Variants in PHF20 observed in about 807,000 individuals in gnomAD.
PHF20 encodes glioma-expressed antigen 2.
In PHF20, 23 loss-of-function variants were observed where a neutral mutation model predicts 113.5. That is an observed-to-expected ratio of 0.20 (90% CI 0.15 to 0.29). The LOEUF is 0.29. Ranked by LOEUF, PHF20 falls within the 10% of genes least tolerant of loss-of-function variation. The pLI, the probability that PHF20 is intolerant of heterozygous loss-of-function variation, is 1.00. For missense variants in PHF20, 943 were observed against 1,219.6 expected (o/e 0.77, Z 3.38); for synonymous variants, 434 against 457.3 (o/e 0.95, Z 0.65).
intron 6 of PHF20, among the ~76,000 whole-genome samples, chr20:35,863,698 T>G (rs936986778): frequency 1.3e-5 from 2 of 152,182 alleles, no homozygotes; most frequent in Non-Finnish European, 2.9e-5. Context: ...TTGCTTATGC[T>G]TTTTCAAATG....
chr20:35,772,997 A>G (rs966569339), intron 1 of PHF20, among the ~76,000 whole-genome samples: 2 of 152,198 alleles, frequency 1.3e-5, no homozygotes, highest in Non-Finnish European at 1.5e-5. Flanking sequence ...ACTTATTTCC[A>G]GTTTCACAAA....
chr20:35,783,103 G>A (rs2146832329), intron 1 of PHF20, among the ~76,000 whole-genome samples: 1 of 152,260 alleles, frequency 6.6e-6, no homozygotes, highest in South Asian at 2.1e-4. Context: ...GGGAAGCTGA[G>A]GTGGAAGGAT....
At chr20:35,869,647 A>C in intron 7 of PHF20, 96 bp downstream of exon 7, 1 of 741,594 alleles carries the variant, frequency 1.3e-6, no homozygotes, top group Non-Finnish European at 2.4e-6. Flanking sequence ...TATAGGCTCT[A>C]ATGTTTGTCT....
rs370246924 is a variant in PHF20 at position 35,886,874 on chromosome 20, C to T, written c.1283-12496C>T. On this transcript the variant is annotated intron_variant, in intron 9 of 17. Transcript: ENST00000374012. ...ACAGGCCAAGCAGGGGTGTGAACTG[C>T]GAGAGCATGAAGCAGTTGCTGGAGC... is the stretch of plus-strand genomic sequence containing the variant. Among the ~76,000 whole-genome samples, 26 of 152,194 alleles carry T rather than the reference C, an allele frequency of 1.7e-4. No individual in the cohort carries two copies. The East Asian group carries it at 1.7e-3, about 10-fold the overall frequency.
At position 35,917,489 on chromosome 20, in the gene PHF20, G is replaced by A; in HGVS notation, c.1831G>A (p.Asp611Asn). The A allele has an allele frequency of 6.2e-7, 1 of 1,613,270 alleles. No homozygotes were observed. Among genetic ancestry groups the A allele is most frequent in the Non-Finnish European group, 8.5e-7 (1 of 1,179,390 alleles). The change falls in exon 13 of 18, where the codon GAT becomes AAT. Residue 611 changes from aspartate (D) to asparagine (N), a missense_variant. Asp to Asn is a conservative substitution (Grantham distance 23). This residue lies in a region of PHF20 where 592 missense variants were observed against 787.2 expected (regional missense o/e 0.75). Transcript: ENST00000374012. ...TGTTTTCCCTTTCCTCGTAGAGGAG[G>A]ATAATTTGAGTGAGTCCTCTTCTGA... is the stretch of plus-strand genomic sequence containing the variant. ...HKGKVKALEE[D>N]NLSESSSESF...
intron 2 of PHF20, among the ~76,000 whole-genome samples, chr20:35,822,175 G>A (rs1208498324): frequency 6.6e-6 from 1 of 152,136 alleles, no homozygotes; most frequent in Non-Finnish European, 1.5e-5. Context: ...AGGCCAAGAC[G>A]GAAGATCGCT....
intron 4 of PHF20, chr20:35,855,261 G>T: frequency 7.5e-7 from 1 of 1,337,122 alleles, no homozygotes; most frequent in Non-Finnish European, 9.9e-7. Context: ...GACAATATAG[G>T]CAGGTAAAAA....
intron 9 of PHF20, among the ~76,000 whole-genome samples, chr20:35,886,191 T>C (rs1372824573): frequency 6.7e-6 from 1 of 150,068 alleles, no homozygotes; most frequent in African/African-American, 2.5e-5. Context: ...CAGGCTGGAG[T>C]GCACTGATGA....
chr20:35,846,144 G>A (rs558659624), intron 3 of PHF20, among the ~76,000 whole-genome samples: 1 of 151,260 alleles, frequency 6.6e-6, no homozygotes, highest in East Asian at 1.9e-4. Flanking sequence ...GGATTATTCA[G>A]TATTGTTCCA....
At position 35,947,541 on chromosome 20, in the gene PHF20, A is replaced by G. The variant is rs1226054799; in HGVS notation, c.2953A>G (p.Arg985Gly). 6 of 1,613,994 alleles carry G rather than the reference A, an allele frequency of 3.7e-6. No individual in the cohort carries two copies. The Admixed American group carries it at 8.3e-5, about 22-fold the overall frequency. The stretch of plus-strand genomic sequence containing the variant: ...ACTGGAGCCCCCTGAGCCGCTGGCC[A>G]GGCTTCCGCAGCTCAAGCATTGTAT... Reference protein sequence around the residue: ...GELEPPEPLARLPQLKHCIKQ... With the variant: ...GELEPPEPLAGLPQLKHCIKQ... Residue 985 changes from arginine to glycine, a missense_variant, in exon 18 of 18, where the codon AGG becomes GGG. Arg to Gly is a moderately radical substitution (Grantham distance 125, BLOSUM62 -2). Coordinates refer to ENST00000374012, the MANE Select transcript of PHF20 (RefSeq NM_016436.5).
intron 16 of PHF20, among the ~76,000 whole-genome samples, chr20:35,939,994 C>T (rs139658339): frequency 4.6e-5 from 7 of 152,282 alleles, no homozygotes; most frequent in South Asian, 2.1e-4. Flanking sequence ...GAGCTCAGCC[C>T]CTTACTGTGT....
chr20:35,947,653 G>A lies in PHF20; in HGVS notation c.*26G>A, dbSNP rs1048111860. 1.2e-6 allele frequency: 2 copies of A among 1,606,446 alleles called. No individual in the cohort carries two copies. Among genetic ancestry groups the A allele is most frequent in the African/African-American group, 2.7e-5 (2 of 74,730 alleles). On this transcript the variant is annotated 3_prime_UTR_variant, in exon 18 of 18. Transcript: ENST00000374012. ...AACTGGGCACCCAAAACTCATGGGG[G>A]CACAATCCTGGGGCACCTGCAGGAG...
At chr20:35,947,355 ATGG>A in intron 17 of PHF20, 127 bp from the exon 18 acceptor site, 1 of 841,192 alleles carries the variant, frequency 1.2e-6, no homozygotes, top group Non-Finnish European at 1.8e-6. Flanking sequence ...CCCTTGCCCC[ATGG>A]AGGCTGAAAT....
At chr20:35,808,441 G>A (rs1317352200) in intron 2 of PHF20, among the ~76,000 whole-genome samples, 1 of 151,720 alleles carries the variant, frequency 6.6e-6, no homozygotes, top group East Asian at 1.9e-4. Flanking sequence ...TCAGATTAAA[G>A]AAGTTCATGC....
At chr20:35,827,958 GA>G (rs1466167911) in intron 2 of PHF20, among the ~76,000 whole-genome samples, 1 of 152,092 alleles carries the variant, frequency 6.6e-6, no homozygotes, top group Non-Finnish European at 1.5e-5. Flanking sequence ...GATCAAGTGA[GA>G]TACCTTAGAT....
At chr20:35,796,187 A>G (rs954929579) in intron 1 of PHF20, among the ~76,000 whole-genome samples, 8 of 151,884 alleles carry the variant, frequency 5.3e-5, no homozygotes, top group African/African-American at 1.7e-4. Flanking sequence ...GTTAGTTTGG[A>G]TAAGGTTATT....
chr20:35,913,049 A>G (rs1050602365), intron 10 of PHF20, among the ~76,000 whole-genome samples, 200 bp from the exon 11 acceptor site: 2 of 152,198 alleles, frequency 1.3e-5, no homozygotes, highest in Non-Finnish European at 2.9e-5. Context: ...ATTTACAATG[A>G]CGGGCCATGG....
intron 14 of PHF20, among the ~76,000 whole-genome samples, chr20:35,929,943 AG>A (rs1251421315): frequency 2.6e-5 from 4 of 152,266 alleles, no homozygotes; most frequent in Non-Finnish European, 5.9e-5. Flanking sequence ...AGACCTTAAT[AG>A]GAATCACCTG....
chr20:35,884,163 G>GT (rs1408802528), intron 9 of PHF20, among the ~76,000 whole-genome samples: 1 of 152,202 alleles, frequency 6.6e-6, no homozygotes, highest in Non-Finnish European at 1.5e-5. Flanking sequence ...ATGTATTAAC[G>GT]TAAGTAAGCG....
Sources: gnomAD v4.1 joint callset for allele counts (sites outside exome capture counted in the v4.1 genomes callset) on GRCh38, gnomAD v4.1.1 for gene constraint, gnomAD v4.1.1 regional missense constraint, MANE v1.5 for transcripts, NCBI Gene and HGNC (gene_info 2026-07-23, HGNC 2026-07-21) for gene names.